The following BNC2 variants were observed in gnomAD, a reference collection of about 807,000 sequenced individuals.
The protein encoded by BNC2 is zinc finger protein basonuclin-2.
BNC2 carries 20 observed loss-of-function variants against 76.3 expected under a neutral mutation model. The observed-to-expected ratio is 0.26, with a 90% CI of 0.18 to 0.38. The LOEUF is 0.38. Ranked by LOEUF, BNC2 falls within the 10% of genes least tolerant of loss-of-function variation. The pLI is 1.00. For synonymous variants in BNC2, 582 were observed against 514.8 expected, an observed-to-expected ratio of 1.13 and a Z score of -1.77; for missense variants, 1,382 against 1,399.8, an observed-to-expected ratio of 0.99 and a Z score of 0.20.
intron 5 of BNC2, among the ~76,000 whole-genome samples, chr9:16,552,262 C>T (rs1818685447): frequency 6.6e-6 from 1 of 152,080 alleles, no homozygotes; most frequent in South Asian, 2.1e-4. Context: ...GCCAGAAAGC[C>T]CATGATGTAG....
At chr9:16,727,586 T>TC (rs1824376974) in intron 3 of BNC2, 1 of 570,604 alleles carries the variant, frequency 1.8e-6, no homozygotes, top group East Asian at 2.9e-5. Context: ...CGGTATCCTT[T>TC]CCCCTTTTTC....
At chr9:16,583,682 ATTTTCGTTCCTG>A (rs1018474253) in intron 3 of BNC2, among the ~76,000 whole-genome samples, 3 of 152,106 alleles carry the variant, frequency 2.0e-5, no homozygotes, top group African/African-American at 7.2e-5. Context: ...TTTTTATTCT[ATTTTCGTTCCTG>A]TTTTGAAAAA....
chr9:16,437,129 G>C lies in BNC2; in HGVS notation c.1065C>G (p.Pro355=). 6.2e-7 allele frequency: 1 copy of C among 1,614,112 alleles called. No individual in the cohort carries two copies. Among genetic ancestry groups the C allele is most frequent in the Non-Finnish European group, 8.5e-7 (1 of 1,180,014 alleles). ...TATATTCATTCTGAGTTGAAAGGCT[G>C]GGTTCCCGCAGCCTCAACCCTGGTT... ...LEQPGLRLRE[P]SLSTQNEYNE... The change falls in exon 6 of 7, where the codon CCC becomes CCG. Residue 355 remains proline, a synonymous_variant. Coordinates refer to ENST00000380672, the MANE Select transcript of BNC2 (RefSeq NM_017637.6).
At chr9:16,438,031 AT>A (rs1172309522) in intron 5 of BNC2, among the ~76,000 whole-genome samples, 1 of 152,170 alleles carries the variant, frequency 6.6e-6, no homozygotes, top group East Asian at 1.9e-4. Context: ...ATTCCTTTAA[AT>A]AGGAGTTATG....
chr9:16,688,275 T>C (rs1314704300), intron 3 of BNC2, among the ~76,000 whole-genome samples: 1 of 152,206 alleles, frequency 6.6e-6, no homozygotes, highest in Non-Finnish European at 1.5e-5. Flanking sequence ...ACAAAAGAGA[T>C]AAAAGCTGAT....
At chr9:16,639,297 A>T (rs1563875631) in intron 3 of BNC2, among the ~76,000 whole-genome samples, 1 of 152,194 alleles carries the variant, frequency 6.6e-6, no homozygotes, top group African/African-American at 2.4e-5. Context: ...CAATGGAAAA[A>T]ATCTGGTCAT....
intron 6 of BNC2, chr9:16,429,727 G>A (rs1820869262): frequency 6.4e-6 from 2 of 311,178 alleles, no homozygotes. Context: ...ATAGAAATTT[G>A]TAAAAATCTC....
intron 3 of BNC2, among the ~76,000 whole-genome samples, chr9:16,696,457 G>T (rs1823340572): frequency 6.6e-6 from 1 of 152,088 alleles, no homozygotes; most frequent in Admixed American, 6.5e-5. Flanking sequence ...CCTATTTCCT[G>T]ATGCCACTTC....
intron 5 of BNC2, among the ~76,000 whole-genome samples, chr9:16,469,264 G>C (rs1587064768): frequency 6.6e-6 from 1 of 152,158 alleles, no homozygotes; most frequent in Admixed American, 6.5e-5. Context: ...ATCTCAACTT[G>C]AGTAGTATCT....
chr9:16,677,155 T>C (rs1259206269), intron 3 of BNC2, among the ~76,000 whole-genome samples: 2 of 152,210 alleles, frequency 1.3e-5, no homozygotes, highest in Non-Finnish European at 2.9e-5. Flanking sequence ...CAACAATGCA[T>C]TCACTATTAG....
At chr9:16,430,973 T>C (rs950719322) in intron 6 of BNC2, among the ~76,000 whole-genome samples, 1 of 152,224 alleles carries the variant, frequency 6.6e-6, no homozygotes, top group Admixed American at 6.5e-5. Context: ...ATCATCTTTC[T>C]ACAACTTGAA....
At chr9:16,528,769 T>C (rs1035987292) in intron 5 of BNC2, among the ~76,000 whole-genome samples, 1 of 152,186 alleles carries the variant, frequency 6.6e-6, no homozygotes, top group African/African-American at 2.4e-5. Context: ...AAATAAATTA[T>C]GGTATATCCA....
At position 16,435,983 on chromosome 9, in the gene BNC2, G is replaced by A; in HGVS notation, c.2211C>T (p.Ser737=). The change falls in exon 6 of 7, where the codon TCC becomes TCT. Residue 737 remains serine, a synonymous_variant. Coordinates refer to ENST00000380672, the MANE Select transcript of BNC2 (RefSeq NM_017637.6). ...ESSEPKLGEE[S]MEGDEHIHSE... Reference sequence around the variant, plus strand: ...TGTGAATGTGCTCATCCCCTTCCATGGATTCCTCGCCCAGTTTGGGCTCCG... The same window carrying A: ...TGTGAATGTGCTCATCCCCTTCCATAGATTCCTCGCCCAGTTTGGGCTCCG... 2.5e-6 allele frequency: 4 copies of A among 1,614,104 alleles called. No homozygotes were observed. The highest frequency in any genetic ancestry group is 3.4e-6 in the Non-Finnish European group (4 of 1,180,018).
intron 5 of BNC2, among the ~76,000 whole-genome samples, chr9:16,493,795 G>A (rs1033260410): frequency 2.6e-5 from 4 of 152,206 alleles, no homozygotes; most frequent in Non-Finnish European, 5.9e-5. Flanking sequence ...CATGCCTGAA[G>A]AGCCAAACAG....
chr9:16,859,341 C>G (rs901814996), intron 1 of BNC2, among the ~76,000 whole-genome samples: 1 of 152,178 alleles, frequency 6.6e-6, no homozygotes, highest in Non-Finnish European at 1.5e-5. Context: ...TATCCCACTT[C>G]TACATATATG....
intron 5 of BNC2, among the ~76,000 whole-genome samples, chr9:16,513,112 A>C (rs1245138980): frequency 6.6e-6 from 1 of 152,156 alleles, no homozygotes; most frequent in Non-Finnish European, 1.5e-5. Context: ...CCTGGGTGAC[A>C]GAATGAGACT....
rs1554702306 is a variant in BNC2, at chr9:16,665,384, A to AG, written c.330+62412_330+62413insC. Among the ~76,000 whole-genome samples, 128 of 14,822 alleles carry AG rather than the reference A, an allele frequency of 8.6e-3. 7 individuals carry two copies. Among genetic ancestry groups the AG allele is most frequent in the African/African-American group, 0.015 (104 of 6,928 alleles). The allele number at this position is 14,822 out of a possible 152,430, so 9.7% of individuals were successfully genotyped here. On this transcript the variant is annotated intron_variant, in intron 3 of 6. Coordinates refer to ENST00000380672, the MANE Select transcript of BNC2 (RefSeq NM_017637.6). ...AACCTCTGTCTCAAAAAAAAAAAAAAAAAGAGAGAGAGAGAGAGAAAGAGA... is the reference window on the plus strand; with the variant it reads ...AACCTCTGTCTCAAAAAAAAAAAAAAGAAAGAGAGAGAGAGAGAGAAAGAGA...
chr9:16,639,924 T>TAA (rs568581599), intron 3 of BNC2, among the ~76,000 whole-genome samples: 2 of 147,138 alleles, frequency 1.4e-5, no homozygotes, highest in East Asian at 2.0e-4. Context: ...CCTGTCTCAT[T>TAA]AAAAAAAAAA....
In BNC2 at chr9:16,414,541, A is replaced by T. The variant is rs1820543755; in HGVS notation, c.*4448T>A. ...TAATTTTAAAAAAGAAGCTCTTAAG[A>T]AAAGGGTGTGACCACAGGATGAAAA... is the stretch of plus-strand genomic sequence containing the variant. On this transcript the variant is annotated 3_prime_UTR_variant, in exon 7 of 7. Coordinates refer to ENST00000380672, the MANE Select transcript of BNC2 (RefSeq NM_017637.6). 3 of 152,076 alleles carry T rather than the reference A, an allele frequency of 2.0e-5. No individual in the cohort carries two copies. Among genetic ancestry groups the T allele is most frequent in the Admixed American group, 2.0e-4 (3 of 15,278 alleles). 9.4% of individuals were successfully genotyped at this position (152,076 alleles called of 1,614,324 possible).
Sources: allele counts gnomAD v4.1 joint callset (sites outside exome capture counted in the v4.1 genomes callset), GRCh38; gene constraint gnomAD v4.1.1; transcripts MANE v1.5; gene names NCBI Gene and HGNC (gene_info 2026-07-23, HGNC 2026-07-21).